Variants in PPP4R3A observed in about 807,000 individuals in gnomAD.
PPP4R3A encodes the protein protein phosphatase 4 regulatory subunit 3A.
A neutral mutation model predicts 91.7 loss-of-function variants in PPP4R3A; 15 were observed. The ratio of observed to expected loss-of-function variants is 0.16; its 90% CI spans 0.11 to 0.25. The LOEUF (loss-of-function observed/expected upper bound fraction) is 0.25. Among genes scored for constraint, PPP4R3A ranks in the 10% least tolerant of loss-of-function variants. The pLI, the probability that PPP4R3A is intolerant of heterozygous loss-of-function variation, is 1.00. For synonymous variants in PPP4R3A, 377 were observed against 348.7 expected (o/e 1.08, Z -0.91); for missense variants, 623 against 998.4 (o/e 0.62, Z 5.07).
intron 14 of PPP4R3A, among the ~76,000 whole-genome samples, chr14:91,459,314 C>A (rs1486617194): frequency 1.3e-5 from 2 of 152,028 alleles, no homozygotes; most frequent in African/African-American, 4.8e-5. Context: ...TCATGTTGGC[C>A]AGCCTGGTCT....
At chr14:91,471,547 C>T (rs1888834456) in intron 9 of PPP4R3A, among the ~76,000 whole-genome samples, 1 of 152,118 alleles carries the variant, frequency 6.6e-6, no homozygotes, top group Non-Finnish European at 1.5e-5. Context: ...CATTCCCCCA[C>T]GTTTAGATTA....
intron 14 of PPP4R3A, 99 bp downstream of exon 14, chr14:91,461,282 G>T (rs1443435335): frequency 2.8e-6 from 3 of 1,072,858 alleles, no homozygotes; most frequent in African/African-American, 3.1e-5. Flanking sequence ...TGTTAAATCA[G>T]TTCTAGGTGG....
At position 91,462,197 on chromosome 14, in the gene PPP4R3A, G is replaced by C. The variant is rs760313603; in HGVS notation, c.2016C>G (p.Ala672=). The C allele has an allele frequency of 3.3e-5, 52 of 1,598,620 alleles. No individual in the cohort carries two copies. In the African/African-American group the frequency reaches 6.6e-4, roughly 20 times the overall value. ...TCTCTTCTTCATCTTCTAGTGTTCT[G>C]GCATCTCTTCGATATCTGTGATTCC... ...ILRNHRYRRD[A]RTLEDEEEMW... Residue 672 remains alanine, a synonymous_variant, in exon 13 of 15, where the codon GCC becomes GCG. Transcript: ENST00000554943.
chr14:91,507,387 TAG>T (rs1891388249), intron 1 of PPP4R3A, among the ~76,000 whole-genome samples: 1 of 61,922 alleles, frequency 1.6e-5, no homozygotes, highest in African/African-American at 4.5e-5. Context: ...ATATACTATA[TAG>T]TATATGTACT....
At chr14:91,462,376 ATTTAGATTAATGTACAAAATT>A in intron 12 of PPP4R3A, 137 bp from the exon 13 acceptor site, 1 of 930,356 alleles carries the variant, frequency 1.1e-6, no homozygotes, top group Non-Finnish European at 1.5e-6. Flanking sequence ...AAATCCAGGT[ATTTAGATTAATGTACAAAATT>A]TTAAATAATA....
chr14:91,487,348 C>T (rs2140126967), intron 2 of PPP4R3A, among the ~76,000 whole-genome samples: 1 of 151,924 alleles, frequency 6.6e-6, no homozygotes, highest in Non-Finnish European at 1.5e-5. Flanking sequence ...AAAAAGGATC[C>T]TCTCATTGAG....
In PPP4R3A at chr14:91,475,857, T is replaced by C. The variant is rs372384377; in HGVS notation, c.1220A>G (p.Asn407Ser). ...REFVMQEAQQ[N>S]DDVSKKLTEQ... The stretch of plus-strand genomic sequence containing the variant: ...TGTTAACTTCTTACTTACATCATCA[T>C]TCTGTTGTGCCTCCTGCATGACAAA... The change falls in exon 7 of 15, where the codon AAT becomes AGT. Residue 407 changes from asparagine to serine, a missense_variant. By Grantham distance (46) the Asn-to-Ser change is conservative (BLOSUM62 1). Transcript: ENST00000554943. 1.2e-5 allele frequency: 19 copies of C among 1,613,714 alleles called. No individual in the cohort carries two copies. Among genetic ancestry groups the C allele is most frequent in the Non-Finnish European group, 1.5e-5 (18 of 1,179,930 alleles).
chr14:91,495,897 C>A (rs1246760925), intron 1 of PPP4R3A, among the ~76,000 whole-genome samples: 4 of 150,306 alleles, frequency 2.7e-5, no homozygotes, highest in Non-Finnish European at 4.4e-5. Context: ...CCAGCCTAGG[C>A]AACAGAGCAA....
chr14:91,500,741 G>C (rs1028210754), intron 1 of PPP4R3A, among the ~76,000 whole-genome samples: 10 of 152,104 alleles, frequency 6.6e-5, no homozygotes, highest in African/African-American at 2.4e-4. Context: ...CTTATGGTAG[G>C]CCAGGCATGG....
intron 1 of PPP4R3A, among the ~76,000 whole-genome samples, chr14:91,506,758 C>T (rs1433001996): frequency 6.6e-6 from 1 of 152,030 alleles, no homozygotes; most frequent in African/African-American, 2.4e-5. Flanking sequence ...CCATGTTGCC[C>T]AGGCTGGTCT....
chr14:91,492,329 T>G (rs903674273), intron 1 of PPP4R3A, among the ~76,000 whole-genome samples: 29 of 152,336 alleles, frequency 1.9e-4, no homozygotes, highest in Non-Finnish European at 1.5e-4. Flanking sequence ...ACTTAACAAT[T>G]GCTTTACCCA....
At chr14:91,496,667 A>G (rs145069507) in intron 1 of PPP4R3A, among the ~76,000 whole-genome samples, 175 of 152,266 alleles carry the variant, frequency 1.1e-3, no homozygotes, top group African/African-American at 4.1e-3. Flanking sequence ...TATTAGAGGG[A>G]AGTATCCCCT....
chr14:91,459,697 T>TGGTGGTGCACATCTGTAATCCCAGCTAC, intron 14 of PPP4R3A, among the ~76,000 whole-genome samples: 1 of 151,680 alleles, frequency 6.6e-6, no homozygotes, highest in Admixed American at 6.6e-5. Context: ...TAGCCAGGTG[T>TGGTGGTGCACATCTGTAATCCCAGCTAC]GGTGGTGCAC....
chr14:91,479,166 A>G (rs997073792), intron 4 of PPP4R3A, among the ~76,000 whole-genome samples: 3 of 152,092 alleles, frequency 2.0e-5, no homozygotes, highest in Non-Finnish European at 4.4e-5. Flanking sequence ...TAGTTTTAGT[A>G]GAGACGAGGT....
chr14:91,461,810 AATC>A (rs1445165410), intron 13 of PPP4R3A: 2 of 850,898 alleles, frequency 2.4e-6, no homozygotes, highest in African/African-American at 3.4e-5. Context: ...AAACCTTCAG[AATC>A]ATATTTAGTA....
At chr14:91,463,058 A>G (rs1005834539) in intron 11 of PPP4R3A, among the ~76,000 whole-genome samples, 181 bp from the exon 12 acceptor site, 4 of 151,936 alleles carry the variant, frequency 2.6e-5, no homozygotes, top group East Asian at 3.9e-4. Flanking sequence ...GTAGTCCCCA[A>G]TTTATCTATG....
At chr14:91,507,430 TATA>T (rs1431954396) in intron 1 of PPP4R3A, among the ~76,000 whole-genome samples, 1 of 135,504 alleles carries the variant, frequency 7.4e-6, no homozygotes, top group East Asian at 2.0e-4. Context: ...ATATATATAC[TATA>T]ATTATATATA....
At chr14:91,466,560 G>T in intron 10 of PPP4R3A, 1 of 420,316 alleles carries the variant, frequency 2.4e-6, no homozygotes. Flanking sequence ...TCTTTCTTAA[G>T]AAACACTCTG....
chr14:91,507,553 T>TATATATACTATATATTATATATAG lies in PPP4R3A; in HGVS notation c.142+1952_142+1953insCTATATATAATATATAGTATATAT, dbSNP rs1566660924. ...TATATATACTATATATTATATATAGTTATATATACTATATATTATACATAC... is the reference window on the plus strand; with the variant it reads ...TATATATACTATATATTATATATAGTATATATACTATATATTATATATAGTATATATACTATATATTATACATAC... On this transcript the variant is annotated intron_variant, in intron 1 of 14. Coordinates refer to ENST00000554943, the MANE Select transcript of PPP4R3A (RefSeq NM_001366432.2). 5.5e-4 allele frequency among the ~76,000 whole-genome samples: 39 copies of TATATATACTATATATTATATATAG among 71,084 alleles called. No individual in the cohort carries two copies. In the East Asian group the frequency reaches 6.8e-3, roughly 12 times the overall value. The allele number at this position is 71,084 out of a possible 152,430, so 46.6% of individuals were successfully genotyped here.
Sources: gnomAD v4.1 joint callset for allele counts (sites outside exome capture counted in the v4.1 genomes callset) on GRCh38, gnomAD v4.1.1 for gene constraint, MANE v1.5 for transcripts, NCBI Gene and HGNC (gene_info 2026-07-23, HGNC 2026-07-21) for gene names.